The following ADGRV1 variants were observed in gnomAD, a reference collection of about 807,000 sequenced individuals.
The protein encoded by ADGRV1 is adhesion G protein-coupled receptor V1.
ADGRV1 carries 359 observed loss-of-function variants against 596.2 expected under a neutral mutation model. The observed-to-expected ratio is 0.60, with a 90% CI of 0.55 to 0.66. The LOEUF (loss-of-function observed/expected upper bound fraction) is 0.66, where lower values mean the gene tolerates loss of function less well. Among genes scored for constraint, ADGRV1 ranks in the 30% least tolerant of loss-of-function variants. The pLI, the probability that ADGRV1 is intolerant of heterozygous loss-of-function variation, is 0.00. For missense variants in ADGRV1, 7,274 were observed against 7,575.6 expected, an observed-to-expected ratio of 0.96 and a Z score of 1.48; for synonymous variants, 2,681 against 2,679.2, an observed-to-expected ratio of 1.00 and a Z score of -0.02.
In ADGRV1 at chr5:90,885,433, A is replaced by G. The variant is rs564576975; in HGVS notation, c.17856+21576A>G. Among the ~76,000 whole-genome samples the G allele has an allele frequency of 9.7e-4, 148 of 152,318 alleles. No individual in the cohort carries two copies. In the Middle Eastern group the frequency reaches 0.01, roughly 11 times the overall value. On this transcript the variant is annotated intron_variant, in intron 83 of 89. Transcript: ENST00000405460. ...TCTTCTCCATACTTACATCTTCTCCATAATGATATGGAAATATTCCAACTT... is the reference window on the plus strand; with the variant it reads ...TCTTCTCCATACTTACATCTTCTCCGTAATGATATGGAAATATTCCAACTT...
intron 87 of ADGRV1, among the ~76,000 whole-genome samples, chr5:91,123,481 C>G (rs1204673947): frequency 6.6e-6 from 1 of 152,128 alleles, no homozygotes; most frequent in Non-Finnish European, 1.5e-5. Flanking sequence ...TCCCTCAGGC[C>G]ATTTTATATC....
chr5:90,807,663 C>T lies in ADGRV1; in HGVS notation c.14898C>T (p.Ser4966=), dbSNP rs1200435247. 1.1e-5 allele frequency: 18 copies of T among 1,612,586 alleles called. No individual in the cohort carries two copies. In the Admixed American group the frequency reaches 3.0e-4, roughly 27 times the overall value. ...GAGTTTTCCTGTGGACGTTTCCTAG[C>T]CCTGGTTGGCCAGAGGCCTTTGTTC... ...RKGVFLWTFP[S]PGWPEAFVLH... The change falls in exon 73 of 90, where the codon AGC becomes AGT. Residue 4966 remains serine, a synonymous_variant. Transcript: ENST00000405460.
chr5:91,153,527 C>T (rs1187757000), intron 89 of ADGRV1, 129 bp downstream of exon 89: 4 of 502,016 alleles, frequency 8.0e-6, no homozygotes, highest in Non-Finnish European at 1.3e-5. Context: ...ATGACCCATT[C>T]CTAATCCCAG....
chr5:90,913,897 A>G (rs536830503), intron 83 of ADGRV1, among the ~76,000 whole-genome samples: 1 of 152,324 alleles, frequency 6.6e-6, no homozygotes, highest in South Asian at 2.1e-4. Context: ...CCTCAACATC[A>G]TAAATCTTTG....
chr5:90,572,147 A>T (rs1027719297), intron 1 of ADGRV1, among the ~76,000 whole-genome samples: 1 of 152,270 alleles, frequency 6.6e-6, no homozygotes, highest in African/African-American at 2.4e-5. Flanking sequence ...TCTTTTGAAG[A>T]CTATTCTGTT....
chr5:91,159,150 C>T (rs191103571), intron 89 of ADGRV1, among the ~76,000 whole-genome samples: 77 of 152,236 alleles, frequency 5.1e-4, no homozygotes, highest in Middle Eastern at 3.4e-3. Flanking sequence ...CACTCTTTAG[C>T]TAAGACATTC....
intron 85 of ADGRV1, among the ~76,000 whole-genome samples, chr5:91,020,270 C>T (rs969357140): frequency 4.6e-5 from 7 of 151,892 alleles, no homozygotes; most frequent in Admixed American, 1.3e-4. Flanking sequence ...AACATGTGTC[C>T]GGTTCCATTT....
intron 1 of ADGRV1, among the ~76,000 whole-genome samples, chr5:90,594,790 C>T (rs1471320293): frequency 6.6e-6 from 1 of 150,860 alleles, no homozygotes; most frequent in East Asian, 1.9e-4. Context: ...TCAGAGAGCA[C>T]AGGGTTGGGG....
chr5:90,653,183 C>T (rs750592712), intron 19 of ADGRV1, 26 bp from the exon 20 acceptor site: 4 of 1,549,688 alleles, frequency 2.6e-6, no homozygotes, highest in Admixed American at 4.1e-5. Context: ...ATTCTAGTTT[C>T]TCACTCATAA....
chr5:90,814,704 A>G (rs1052186788), intron 74 of ADGRV1, among the ~76,000 whole-genome samples: 3 of 152,192 alleles, frequency 2.0e-5, no homozygotes, highest in African/African-American at 4.8e-5. Flanking sequence ...CTCCCCAGAC[A>G]TGCAAAACTG....
chr5:90,939,595 A>C (rs1020070020), intron 83 of ADGRV1, among the ~76,000 whole-genome samples: 1 of 152,218 alleles, frequency 6.6e-6, no homozygotes, highest in Non-Finnish European at 1.5e-5. Flanking sequence ...CTATGAAAGC[A>C]AATGGGAAAA....
intron 85 of ADGRV1, among the ~76,000 whole-genome samples, chr5:91,056,066 C>T (rs1012227208): frequency 6.6e-6 from 1 of 152,020 alleles, no homozygotes; most frequent in Non-Finnish European, 1.5e-5. Context: ...AGTCGGTTGG[C>T]GAGAGGTTAG....
At chr5:90,971,865 T>G (rs1363995035) in intron 84 of ADGRV1, among the ~76,000 whole-genome samples, 1 of 152,162 alleles carries the variant, frequency 6.6e-6, no homozygotes, top group Admixed American at 6.5e-5. Flanking sequence ...TAACCTTAAA[T>G]GTAAATGGGC....
At chr5:90,632,141 T>C (rs940773627) in intron 9 of ADGRV1, among the ~76,000 whole-genome samples, 5 of 152,170 alleles carry the variant, frequency 3.3e-5, no homozygotes, top group African/African-American at 4.8e-5. Flanking sequence ...AAGGGCTTTT[T>C]TTGGGATTTT....
chr5:91,125,147 C>T (rs1562250128), intron 87 of ADGRV1, among the ~76,000 whole-genome samples: 2 of 152,160 alleles, frequency 1.3e-5, no homozygotes, highest in Non-Finnish European at 2.9e-5. Context: ...GCCTTTCTTT[C>T]GTCTTCCTAT....
At chr5:90,896,486 G>A (rs1170353858) in intron 83 of ADGRV1, among the ~76,000 whole-genome samples, 1 of 151,816 alleles carries the variant, frequency 6.6e-6, no homozygotes, top group Non-Finnish European at 1.5e-5. Flanking sequence ...TGTTGCCCAG[G>A]CTGGTCTCGA....
intron 85 of ADGRV1, among the ~76,000 whole-genome samples, chr5:91,054,102 TGAGA>T (rs3079380): frequency 0.016 from 2,052 of 126,658 alleles, 19 homozygotes; most frequent in African/African-American, 0.036. Flanking sequence ...TGTGTGTGTG[TGAGA>T]GAGAGAGAGA....
chr5:90,669,468 A>G (rs1055813157), intron 21 of ADGRV1, among the ~76,000 whole-genome samples: 6 of 152,210 alleles, frequency 3.9e-5, no homozygotes, highest in African/African-American at 1.2e-4. Flanking sequence ...TTGGTCGTTG[A>G]CACTTAAAAA....
intron 50 of ADGRV1, among the ~76,000 whole-genome samples, chr5:90,734,958 A>C (rs1419000197): frequency 6.6e-6 from 1 of 152,198 alleles, no homozygotes; most frequent in Non-Finnish European, 1.5e-5. Flanking sequence ...TATGGGTTTA[A>C]AATGTTTTTT....
Sources: gnomAD v4.1 joint callset for allele counts (sites outside exome capture counted in the v4.1 genomes callset) on GRCh38, gnomAD v4.1.1 for gene constraint, MANE v1.5 for transcripts, NCBI Gene and HGNC (gene_info 2026-07-23, HGNC 2026-07-21) for gene names.